Variants in PPFIA2 observed in about 807,000 individuals in gnomAD.
PPFIA2 encodes PPFI scaffold protein A2.
Under a neutral mutation model 175.5 loss-of-function variants are expected in PPFIA2, and 46 were observed. The ratio of observed to expected loss-of-function variants is 0.26; its 90% CI spans 0.21 to 0.34. The LOEUF (loss-of-function observed/expected upper bound fraction) is 0.34, where lower values mean the gene tolerates loss of function less well. PPFIA2 is among the 10% of genes least tolerant of loss of function. The pLI is 1.00. For missense variants in PPFIA2, 1,179 were observed against 1,506.1 expected (o/e 0.78, Z 3.60); for synonymous variants, 568 against 511.4 (o/e 1.11, Z -1.49).
rs149181122 is a variant in PPFIA2 at position 81,494,650 on chromosome 12, T to C, written c.304-36784A>G. ...CTATAAAGACACATGCACATTTATG[T>C]TTATTGCAGCATTATTCACAATAGC... On this transcript the variant is annotated intron_variant, in intron 4 of 32. Coordinates refer to ENST00000549396, the MANE Select transcript of PPFIA2 (RefSeq NM_003625.5). 4.0e-3 allele frequency among the ~76,000 whole-genome samples: 611 copies of C among 152,130 alleles called. 6 individuals carry two copies. Among genetic ancestry groups the C allele is most frequent in the African/African-American group, 0.014 (569 of 41,496 alleles).
chr12:81,423,683 C>G (rs2046675874), intron 7 of PPFIA2, among the ~76,000 whole-genome samples: 1 of 152,086 alleles, frequency 6.6e-6, no homozygotes, highest in South Asian at 2.1e-4. Context: ...TAAGATCCAG[C>G]ACAAGAAAAG....
chr12:81,658,277 A>C (rs1321343293), intron 4 of PPFIA2, among the ~76,000 whole-genome samples: 1 of 130,650 alleles, frequency 7.7e-6, no homozygotes, highest in African/African-American at 3.7e-5. Context: ...TCAAAAAAAA[A>C]AAAAAAAGAA....
At chr12:81,387,409 T>C (rs970597352) in intron 8 of PPFIA2, among the ~76,000 whole-genome samples, 2 of 151,950 alleles carry the variant, frequency 1.3e-5, no homozygotes, top group Non-Finnish European at 2.9e-5. Flanking sequence ...TATAGAAGAA[T>C]GAGAAGAACA....
chr12:81,418,876 T>C (rs756713883), intron 7 of PPFIA2, among the ~76,000 whole-genome samples: 8 of 152,008 alleles, frequency 5.3e-5, no homozygotes, highest in Non-Finnish European at 1.0e-4. Context: ...CATGCTATTT[T>C]GTCTACTCAT....
At chr12:81,434,825 TATA>T (rs1042406049) in intron 7 of PPFIA2, among the ~76,000 whole-genome samples, 12 of 152,268 alleles carry the variant, frequency 7.9e-5, no homozygotes, top group African/African-American at 2.9e-4. Flanking sequence ...TTTATTTGTT[TATA>T]AGAATAATGA....
chr12:81,705,778 A>G (rs1430516047), intron 3 of PPFIA2, among the ~76,000 whole-genome samples: 1 of 152,146 alleles, frequency 6.6e-6, no homozygotes, highest in Non-Finnish European at 1.5e-5. Context: ...AGCCAGTTGA[A>G]TTTTCCACTG....
intron 8 of PPFIA2, among the ~76,000 whole-genome samples, chr12:81,402,608 C>T (rs2042270420): frequency 6.6e-6 from 1 of 152,142 alleles, no homozygotes; most frequent in South Asian, 2.1e-4. Context: ...AATTCCAGCA[C>T]TTTGGGAGGC....
rs983240343 is a variant in PPFIA2 at position 81,335,362 on chromosome 12, A to C, written c.2548+3818T>G. The stretch of plus-strand genomic sequence containing the variant: ...TCCTGAATCTATGTTCCAGGAAGTC[A>C]GCAGAAGTACATATCGGTCCTGTTG... On this transcript the variant is annotated intron_variant, in intron 21 of 32. Coordinates refer to ENST00000549396, the MANE Select transcript of PPFIA2 (RefSeq NM_003625.5). Among the ~76,000 whole-genome samples the C allele has an allele frequency of 3.9e-5, 6 of 152,204 alleles. No individual in the cohort carries two copies. The East Asian group carries it at 1.2e-3, about 29-fold the overall frequency.
intron 4 of PPFIA2, among the ~76,000 whole-genome samples, chr12:81,620,431 TC>T (rs2061928574): frequency 6.6e-6 from 1 of 151,680 alleles, no homozygotes; most frequent in Non-Finnish European, 1.5e-5. Context: ...TTTTAATGCA[TC>T]TTTTTTTTTG....
At chr12:81,272,079 C>T (rs1268840376) in intron 28 of PPFIA2, among the ~76,000 whole-genome samples, 3 of 152,042 alleles carry the variant, frequency 2.0e-5, no homozygotes, top group Non-Finnish European at 2.9e-5. Flanking sequence ...TGAGCAATAT[C>T]AGTTATATTA....
In PPFIA2 at chr12:81,628,993, G is replaced by T. The variant is rs189520672; in HGVS notation, c.303+47798C>A. 9.9e-5 allele frequency among the ~76,000 whole-genome samples: 15 copies of T among 152,262 alleles called. No individual in the cohort carries two copies. The East Asian group carries it at 2.9e-3, about 29-fold the overall frequency. On this transcript the variant is annotated intron_variant, in intron 4 of 32. Transcript: ENST00000549396. ...GGAAAAGGACCACAGGCAGAGAGAT[G>T]CTGAGCACACTGCCCTGGGTAATCT...
intron 3 of PPFIA2, among the ~76,000 whole-genome samples, chr12:81,735,751 A>C (rs2081494908): frequency 6.6e-6 from 1 of 151,726 alleles, no homozygotes; most frequent in Non-Finnish European, 1.5e-5. Context: ...CTTTGAGTCA[A>C]TTTTTGTGTA....
At chr12:81,737,550 A>G (rs1051500038) in intron 3 of PPFIA2, among the ~76,000 whole-genome samples, 2 of 152,060 alleles carry the variant, frequency 1.3e-5, no homozygotes, top group African/African-American at 2.4e-5. Context: ...AACAATGTAC[A>G]TGATATAACT....
chr12:81,268,622 TA>T (rs1282917600), intron 28 of PPFIA2, among the ~76,000 whole-genome samples: 1 of 152,236 alleles, frequency 6.6e-6, no homozygotes, highest in Non-Finnish European at 1.5e-5. Flanking sequence ...GAGTGTTTGT[TA>T]TAGCTAAAAT....
intron 4 of PPFIA2, among the ~76,000 whole-genome samples, chr12:81,492,099 T>A (rs931864070): frequency 6.6e-6 from 1 of 152,056 alleles, no homozygotes. Context: ...CCTGACTTTG[T>A]AGACTTAGTA....
chr12:81,469,788 TG>T (rs998821519), intron 4 of PPFIA2, among the ~76,000 whole-genome samples: 1 of 152,098 alleles, frequency 6.6e-6, no homozygotes, highest in Admixed American at 6.6e-5. Context: ...CCCAACATGG[TG>T]GTATGTGGAG....
chr12:81,537,500 A>T (rs1839074451), intron 4 of PPFIA2, among the ~76,000 whole-genome samples: 1 of 151,854 alleles, frequency 6.6e-6, no homozygotes, highest in Admixed American at 6.6e-5. Flanking sequence ...TGCAATGCCA[A>T]ATAAAAGAAC....
intron 24 of PPFIA2, among the ~76,000 whole-genome samples, chr12:81,285,731 C>T (rs536926173): frequency 9.9e-5 from 15 of 152,218 alleles, no homozygotes; most frequent in African/African-American, 2.6e-4. Flanking sequence ...AAGTATAGCA[C>T]GTGCAACTAT....
In PPFIA2 at chr12:81,339,109, G is replaced by A. The variant is rs1595064236; in HGVS notation, c.2548+71C>T. On this transcript the variant is annotated intron_variant, in intron 21 of 32. Transcript: ENST00000549396. ...GAAAAGAAGAGCAATGAAATGAAAT[G>A]AAAGATAGATGGATACTGTGACATG... 2.3e-6 allele frequency: 3 copies of A among 1,277,024 alleles called. No homozygotes were observed. The East Asian group carries it at 8.0e-5, about 34-fold the overall frequency. The allele number at this position is 1,277,024 out of a possible 1,614,324, so 79.1% of individuals were successfully genotyped here.
Sources: allele counts gnomAD v4.1 joint callset (sites outside exome capture counted in the v4.1 genomes callset), GRCh38; gene constraint gnomAD v4.1.1; transcripts MANE v1.5; gene names NCBI Gene and HGNC (gene_info 2026-07-23, HGNC 2026-07-21).